TENM3: variants seen among roughly 807,000 people sequenced by gnomAD.
TENM3 encodes teneurin-3.
In TENM3, 63 loss-of-function variants were observed where a neutral mutation model predicts 255.1. The ratio of observed to expected loss-of-function variants is 0.25; its 90% confidence interval spans 0.20 to 0.30. TENM3 has a LOEUF of 0.30. Ranked by LOEUF, TENM3 falls within the 10% of genes least tolerant of loss-of-function variation. The probability of loss-of-function intolerance (pLI) is 1.00; values close to 1 mark genes in which losing one functional copy is unlikely to be tolerated. For synonymous variants in TENM3, 1,306 were observed against 1,322.3 expected, an observed-to-expected ratio of 0.99 and a Z score of 0.27; for missense variants, 2,929 against 3,461.1, an observed-to-expected ratio of 0.85 and a Z score of 3.86.
chr4:182,431,210 G>T (rs75005546), intron 3 of TENM3, among the ~76,000 whole-genome samples: 2,282 of 151,182 alleles, frequency 0.015, 58 homozygotes, highest in East Asian at 0.1. Flanking sequence ...GAAAAGGAGG[G>T]ATGAGGCCGG....
At position 182,792,364 on chromosome 4, in the gene TENM3, G is replaced by T. The variant is rs1405639681; in HGVS notation, c.5692G>T (p.Ala1898Ser). The T allele has an allele frequency of 3.1e-6, 5 of 1,613,882 alleles. No individual in the cohort carries two copies. Among genetic ancestry groups the T allele is most frequent in the Non-Finnish European group, 2.5e-6 (3 of 1,179,916 alleles). ...RLSAITMPSVARHTMQTIRSI... is the reference protein window; with the variant it reads ...RLSAITMPSVSRHTMQTIRSI... ...GTCTGCCATCACCATGCCCAGTGTG[G>T]CTCGCCACACCATGCAGACCATCCG... The change falls in exon 26 of 28, where the codon GCT becomes TCT. Residue 1898 changes from alanine to serine, a missense_variant. By Grantham distance (99) the Ala-to-Ser change is moderately conservative. Coordinates refer to ENST00000511685, the MANE Select transcript of TENM3 (RefSeq NM_001080477.4). The surrounding 1 kb of genome is among the most constrained non-coding windows in gnomAD (Gnocchi z 6.3).
At chr4:182,582,901 A>G (rs189320113) in intron 3 of TENM3, among the ~76,000 whole-genome samples, 10 of 152,314 alleles carry the variant, frequency 6.6e-5, no homozygotes, top group Admixed American at 2.0e-4. Context: ...GCCTTGGGGA[A>G]TTAGAATGTG....
intron 3 of TENM3, among the ~76,000 whole-genome samples, chr4:182,406,706 C>G (rs777364550): frequency 3.9e-5 from 6 of 152,208 alleles, no homozygotes; most frequent in Non-Finnish European, 7.3e-5. Flanking sequence ...TTCTCTAACT[C>G]CTTCACGTGT....
chr4:182,324,787 C>T (rs1763286366), intron 2 of TENM3, among the ~76,000 whole-genome samples: 1 of 152,222 alleles, frequency 6.6e-6, no homozygotes, highest in African/African-American at 2.4e-5. Flanking sequence ...TTGTCTTTCT[C>T]CCAGGCAACC....
At chr4:182,036,263 T>C in the TENM3 span, among the ~76,000 whole-genome samples, 1 of 152,138 alleles carries the variant, frequency 6.6e-6, no homozygotes, top group Non-Finnish European at 1.5e-5. Context: ...TGATCTCTGC[T>C]TACTGCAACC....
chr4:182,339,517 G>T (rs1764347830), intron 2 of TENM3, among the ~76,000 whole-genome samples: 1 of 152,166 alleles, frequency 6.6e-6, no homozygotes. Context: ...CTGCTTTGTG[G>T]ATTACCCACC....
At chr4:181,836,570 C>T in the TENM3 span, among the ~76,000 whole-genome samples, 2 of 152,184 alleles carry the variant, frequency 1.3e-5, no homozygotes, top group African/African-American at 4.8e-5. Context: ...CCAATACCAC[C>T]TTGACATTTA....
At chr4:182,740,244 G>A (rs564081955) in intron 18 of TENM3, among the ~76,000 whole-genome samples, 13 of 152,250 alleles carry the variant, frequency 8.5e-5, no homozygotes, top group South Asian at 2.1e-4. Flanking sequence ...TAAACAGAGC[G>A]GATAACTAGT....
intron 3 of TENM3, among the ~76,000 whole-genome samples, chr4:182,486,662 C>T (rs901583829): frequency 6.6e-6 from 1 of 152,078 alleles, no homozygotes; most frequent in Non-Finnish European, 1.5e-5. Context: ...AGCTAGAACC[C>T]CCATATGCTG....
rs1467955819 is a variant in TENM3 at position 182,737,035 on chromosome 4, T to C, written c.3195T>C (p.Asp1065=). The change falls in exon 17 of 28, where the codon GAT becomes GAC. Residue 1065 remains aspartate (D), a synonymous_variant. Coordinates refer to ENST00000511685, the MANE Select transcript of TENM3 (RefSeq NM_001080477.4). Reference sequence around the variant, plus strand: ...ATACTTTCATATGGGATAAAACAGATGCATATAATCAGAAAGTCTATGGTC... The same window carrying C: ...ATACTTTCATATGGGATAAAACAGACGCATATAATCAGAAAGTCTATGGTC... ...LAYTFIWDKT[D]AYNQKVYGLS... 6.2e-7 allele frequency: 1 copy of C among 1,613,722 alleles called. No individual in the cohort carries two copies.
chr4:181,950,657 G>A, the TENM3 span, among the ~76,000 whole-genome samples: 1 of 152,110 alleles, frequency 6.6e-6, no homozygotes, highest in Non-Finnish European at 1.5e-5. Flanking sequence ...GCTCATTGTG[G>A]GCACATTGTA....
At chr4:182,787,667 G>A (rs548493490) in intron 24 of TENM3, among the ~76,000 whole-genome samples, 8 of 150,224 alleles carry the variant, frequency 5.3e-5, no homozygotes, top group African/African-American at 1.7e-4. Flanking sequence ...CCCGGGAGGC[G>A]GAGGCTGCAG....
At chr4:182,773,886 A>G in intron 23 of TENM3, 1 of 353,558 alleles carries the variant, frequency 2.8e-6, no homozygotes, top group Non-Finnish European at 5.1e-6. Context: ...CCCATGTATT[A>G]AAACAACTTC....
the TENM3 span, among the ~76,000 whole-genome samples, chr4:181,733,541 T>C: frequency 6.6e-6 from 1 of 152,192 alleles, no homozygotes; most frequent in East Asian, 1.9e-4. Flanking sequence ...CATACTGAGA[T>C]CTGTGGGTCC....
chr4:182,206,525 C>G (rs1239727455), intron 1 of TENM3, among the ~76,000 whole-genome samples: 1 of 152,188 alleles, frequency 6.6e-6, no homozygotes, highest in Non-Finnish European at 1.5e-5. Flanking sequence ...TACCTAACCC[C>G]TATGATTTGT....
At position 182,160,154 on chromosome 4, in the gene TENM3, C is replaced by T. The variant is rs867533043; in HGVS notation, c.-76+15400C>T. 4.6e-4 allele frequency among the ~76,000 whole-genome samples: 69 copies of T among 149,900 alleles called. 3 individuals carry two copies. Among genetic ancestry groups the T allele is most frequent in the Middle Eastern group, 3.4e-3 (1 of 290 alleles). On this transcript the variant is annotated intron_variant, in intron 1 of 2. Coordinates refer to the TENM3 transcript ENST00000512480. The stretch of plus-strand genomic sequence containing the variant: ...AGTAGCTGGGACTACAGGCGCCCGC[C>T]ACCACGCCTGGCTAATTTTATGTAT...
chr4:181,742,506 T>C, the TENM3 span, among the ~76,000 whole-genome samples: 139 of 152,226 alleles, frequency 9.1e-4, 3 homozygotes, highest in South Asian at 0.028. Context: ...AAAAAGACTT[T>C]CTGGTTCTCA....
At chr4:182,750,816 T>C (rs1762318714) in intron 19 of TENM3, among the ~76,000 whole-genome samples, 1 of 152,198 alleles carries the variant, frequency 6.6e-6, no homozygotes, top group Non-Finnish European at 1.5e-5. Context: ...ATTCCCATCA[T>C]GTTGACGTCT....
In TENM3 at chr4:182,628,841, G is replaced by A. The variant is rs1751080113; in HGVS notation, c.940G>A (p.Ala314Thr). ...TAGCTGGAAATGCACTGCACTGTGT[G>A]CCGTAGGGGTCTCGGTGCTCCTGGC... ...YCSWKCTALC[A>T]VGVSVLLAIL... Residue 314 changes from alanine (A) to threonine (T), a missense_variant, in exon 5 of 28, where the codon GCC (alanine) becomes ACC (threonine). Physicochemically the swap from Ala to Thr is moderately conservative, Grantham distance 58. This residue lies in a region of TENM3 where 1,608 missense variants were observed against 1,884.4 expected (regional missense o/e 0.85). Coordinates refer to ENST00000511685, the MANE Select transcript of TENM3 (RefSeq NM_001080477.4). 2.5e-6 allele frequency: 4 copies of A among 1,610,074 alleles called. No individual in the cohort carries two copies. Among genetic ancestry groups the A allele is most frequent in the Admixed American group, 3.4e-5 (2 of 59,530 alleles).
Sources: allele counts gnomAD v4.1 joint callset (sites outside exome capture counted in the v4.1 genomes callset), GRCh38; gene constraint gnomAD v4.1.1; regional missense constraint gnomAD v4.1.1; non-coding constraint Gnocchi (gnomAD v3.1); transcripts MANE v1.5; gene names NCBI Gene and HGNC (gene_info 2026-07-23, HGNC 2026-07-21).